Variants in NHSL2 observed in about 807,000 individuals in gnomAD.
NHSL2 encodes NHS-like protein 2.
In NHSL2, 27 loss-of-function variants were observed where a neutral mutation model predicts 53.4. That is an observed-to-expected ratio of 0.51 (90% CI 0.37 to 0.70). NHSL2 has a LOEUF of 0.70. Ranked by LOEUF, NHSL2 falls within the 30% of genes least tolerant of loss-of-function variation. The pLI is 0.00. For missense variants in NHSL2, 892 were observed against 980.1 expected (o/e 0.91, Z 1.20); for synonymous variants, 408 against 404.1 (o/e 1.01, Z -0.12).
intron 1 of NHSL2, among the ~76,000 whole-genome samples, chrX:72,040,792 A>G (rs907127510): frequency 9.0e-6 from 1 of 111,571 alleles, no homozygotes; most frequent in African/African-American, 3.3e-5. Flanking sequence ...GTGCTTTATA[A>G]CTCCCTGTTC....
intron 1 of NHSL2, among the ~76,000 whole-genome samples, chrX:71,914,851 C>T (rs1177219811): frequency 9.1e-6 from 1 of 110,314 alleles, no homozygotes; most frequent in Non-Finnish European, 1.9e-5. Flanking sequence ...GAGATGGCCT[C>T]TTGAGTCAGA....
intron 1 of NHSL2, among the ~76,000 whole-genome samples, chrX:72,122,745 C>G (rs12686941): frequency 0.16 from 17,741 of 110,781 alleles, 1,446 homozygotes; most frequent in East Asian, 0.77. Flanking sequence ...AGCAACTCTG[C>G]AAGTTCCTGC....
intron 1 of NHSL2, among the ~76,000 whole-genome samples, chrX:72,008,243 G>A (rs1162540252): frequency 8.9e-6 from 1 of 112,792 alleles, no homozygotes; most frequent in East Asian, 2.8e-4. Flanking sequence ...TGTGACCCAC[G>A]TCCCTATCTG....
chrX:71,922,161 T>G (rs751485835), intron 1 of NHSL2, among the ~76,000 whole-genome samples: 1 of 112,396 alleles, frequency 8.9e-6, no homozygotes, highest in South Asian at 3.7e-4. Context: ...TTATCTTTTT[T>G]CCCTTCATGA....
intron 1 of NHSL2, among the ~76,000 whole-genome samples, chrX:71,972,273 G>A (rs1339720281): frequency 8.9e-6 from 1 of 111,819 alleles, no homozygotes; most frequent in Non-Finnish European, 1.9e-5. Context: ...GACCTCAGGT[G>A]ATCTGCCCTC....
intron 5 of NHSL2, among the ~76,000 whole-genome samples, chrX:72,137,645 C>T (rs2042369150): frequency 9.0e-6 from 1 of 111,196 alleles, no homozygotes; most frequent in Admixed American, 9.5e-5. Flanking sequence ...AACCAGGAGA[C>T]CTTGGCCAAG....
chrX:71,919,808 G>A (rs1347831708), intron 1 of NHSL2, among the ~76,000 whole-genome samples: 1 of 111,935 alleles, frequency 8.9e-6, no homozygotes, highest in Non-Finnish European at 1.9e-5. Flanking sequence ...AACCTGCCAG[G>A]CTGGGATGCC....
At chrX:72,131,346 C>T (rs773275148) in intron 1 of NHSL2, 3 of 1,205,846 alleles carry the variant, frequency 2.5e-6, no homozygotes, top group East Asian at 5.9e-5. Context: ...AGTTCTCCTC[C>T]GCAAGGACGG....
chrX:71,992,869 A>C (rs1466048307), intron 1 of NHSL2, among the ~76,000 whole-genome samples: 1 of 111,434 alleles, frequency 9.0e-6, no homozygotes, highest in Non-Finnish European at 1.9e-5. Flanking sequence ...GCGGGACATG[A>C]TGTGGTGTTG....
At chrX:72,100,903 G>A (rs747966435) in intron 1 of NHSL2, among the ~76,000 whole-genome samples, 1 of 111,711 alleles carries the variant, frequency 9.0e-6, no homozygotes, top group Non-Finnish European at 1.9e-5. Context: ...CCGTAGCATG[G>A]CCACAGAGAT....
chrX:72,080,670 G>T (rs777762675), intron 1 of NHSL2, among the ~76,000 whole-genome samples: 2 of 110,295 alleles, frequency 1.8e-5, no homozygotes, highest in South Asian at 7.7e-4. Flanking sequence ...CCCTTCGGTG[G>T]TAGAAAATTC....
At chrX:71,924,443 C>T (rs1182858681) in intron 1 of NHSL2, among the ~76,000 whole-genome samples, 3 of 111,746 alleles carry the variant, frequency 2.7e-5, no homozygotes, top group Non-Finnish European at 5.6e-5. Context: ...ATGTATTGAC[C>T]ATTTTTGAAT....
At chrX:71,913,570 A>G (rs1028925169) in intron 1 of NHSL2, among the ~76,000 whole-genome samples, 6 of 112,446 alleles carry the variant, frequency 5.3e-5, no homozygotes, top group Non-Finnish European at 1.1e-4. Context: ...GCTGGGGGTC[A>G]GCATTTTACC....
At chrX:72,069,533 A>G in intron 1 of NHSL2, 1 of 345,887 alleles carries the variant, frequency 2.9e-6, no homozygotes, top group Non-Finnish European at 4.6e-6. Flanking sequence ...GATTTGGAAG[A>G]GCCATGTGTG....
At chrX:71,984,469 A>G (rs958057858) in intron 1 of NHSL2, among the ~76,000 whole-genome samples, 2 of 112,141 alleles carry the variant, frequency 1.8e-5, no homozygotes, top group South Asian at 3.7e-4. Flanking sequence ...GCCAATTTCA[A>G]TATGTGCCCA....
chrX:72,132,050 C>T (rs745994039), intron 1 of NHSL2, 29 bp from the exon 2 acceptor site: 2 of 1,162,221 alleles, frequency 1.7e-6, no homozygotes, highest in Non-Finnish European at 1.1e-6. Context: ...AGCTCGCCTG[C>T]GCCTCTCACT....
Position 72,106,371 on chromosome X carries a change from G to A in NHSL2, c.281-25708G>A, listed in dbSNP as rs138120294. On this transcript the variant is annotated intron_variant, in intron 1 of 7. Coordinates refer to ENST00000633930, the MANE Select transcript of NHSL2 (RefSeq NM_001013627.3). ...TTTTGTTCTGCATGGTTTAAAAAAC[G>A]AATTTTCCACACTCAGAAGTGCAGC... is the stretch of plus-strand genomic sequence containing the variant. Among the ~76,000 whole-genome samples the A allele has an allele frequency of 1.2e-3, 137 of 111,944 alleles. 2 individuals carry two copies. In the East Asian group the frequency reaches 0.029, roughly 24 times the overall value.
chrX:71,985,927 A>G (rs1321931065), intron 1 of NHSL2, among the ~76,000 whole-genome samples: 1 of 112,362 alleles, frequency 8.9e-6, no homozygotes, highest in East Asian at 2.8e-4. Flanking sequence ...TTGCCTGTGG[A>G]TGACAAAATG....
intron 1 of NHSL2, among the ~76,000 whole-genome samples, chrX:71,915,164 A>G (rs995202468): frequency 8.9e-6 from 1 of 112,203 alleles, no homozygotes; most frequent in African/African-American, 3.2e-5. Flanking sequence ...CAAGACATTT[A>G]ATCTTCTCTT....
Sources: allele counts gnomAD v4.1 joint callset (sites outside exome capture counted in the v4.1 genomes callset), GRCh38; gene constraint gnomAD v4.1.1; transcripts MANE v1.5; gene names NCBI Gene and HGNC (gene_info 2026-07-23, HGNC 2026-07-21).